PCDH15: variants seen among roughly 807,000 people sequenced by gnomAD.
The protein encoded by PCDH15 is protocadherin-15.
PCDH15 carries 129 observed loss-of-function variants against 178.5 expected under a neutral mutation model. The ratio of observed to expected loss-of-function variants is 0.72; its 90% CI spans 0.63 to 0.84. The LOEUF (loss-of-function observed/expected upper bound fraction) is 0.84. Among genes scored for constraint, PCDH15 ranks in the 40% least tolerant of loss-of-function variants. PCDH15 has a pLI of 0.00. For missense variants in PCDH15, 2,230 were observed against 2,099.9 expected (o/e 1.06, Z -1.21); for synonymous variants, 800 against 732.0 (o/e 1.09, Z -1.50).
At chr10:54,407,667 T>C (rs529545559) in intron 3 of PCDH15, among the ~76,000 whole-genome samples, 38 of 152,280 alleles carry the variant, frequency 2.5e-4, no homozygotes, top group African/African-American at 8.7e-4. Flanking sequence ...GATTCACTTG[T>C]GTCCACAAGG....
At chr10:55,367,928 C>G (rs1330839560) in intron 2 of PCDH15, among the ~76,000 whole-genome samples, 1 of 152,094 alleles carries the variant, frequency 6.6e-6, no homozygotes, top group Non-Finnish European at 1.5e-5. Flanking sequence ...CTTCCAAATA[C>G]AGGATTTCTC....
At chr10:54,611,705 A>G (rs1181880993) in intron 2 of PCDH15, among the ~76,000 whole-genome samples, 1 of 151,814 alleles carries the variant, frequency 6.6e-6, no homozygotes, top group Non-Finnish European at 1.5e-5. Flanking sequence ...TAATCAAGGC[A>G]CCTTAGGGTT....
At chr10:55,471,300 T>A (rs1464480506) in intron 2 of PCDH15, among the ~76,000 whole-genome samples, 1 of 152,250 alleles carries the variant, frequency 6.6e-6, no homozygotes, top group African/African-American at 2.4e-5. Flanking sequence ...TTAGGGCTTA[T>A]TAAATAGCCT....
chr10:55,432,948 C>A (rs1351087348), intron 2 of PCDH15, among the ~76,000 whole-genome samples: 1 of 151,860 alleles, frequency 6.6e-6, no homozygotes, highest in African/African-American at 2.4e-5. Context: ...GGCCTGAACC[C>A]TGGAGGTAGA....
At chr10:54,725,453 G>A (rs1046673315) in intron 1 of PCDH15, among the ~76,000 whole-genome samples, 1 of 146,548 alleles carries the variant, frequency 6.8e-6, no homozygotes, top group Non-Finnish European at 1.5e-5. Flanking sequence ...AAGGTGGAAG[G>A]ATCACTTGAA....
intron 3 of PCDH15, among the ~76,000 whole-genome samples, chr10:54,817,774 T>C (rs1456628494): frequency 1.3e-5 from 2 of 152,074 alleles, no homozygotes; most frequent in African/African-American, 4.8e-5. Flanking sequence ...ATGTCAATGC[T>C]AAATTTACTA....
chr10:55,250,789 C>A (rs2132223376), intron 1 of PCDH15, among the ~76,000 whole-genome samples: 1 of 152,080 alleles, frequency 6.6e-6, no homozygotes, highest in African/African-American at 2.4e-5. Context: ...CCCGCCTCAG[C>A]CTCCCAAAGT....
intron 9 of PCDH15, among the ~76,000 whole-genome samples, chr10:54,220,452 A>G (rs1259323324): frequency 6.6e-6 from 1 of 152,194 alleles, no homozygotes; most frequent in Non-Finnish European, 1.5e-5. Flanking sequence ...ATATAGCCTG[A>G]GTTCAGTGAA....
chr10:54,071,687 A>T (rs1210539939), intron 17 of PCDH15, among the ~76,000 whole-genome samples: 1 of 152,144 alleles, frequency 6.6e-6, no homozygotes, highest in Non-Finnish European at 1.5e-5. Flanking sequence ...GCAGAGACTC[A>T]TGGTATGTAT....
chr10:54,511,411 G>C (rs1218885552), intron 3 of PCDH15, among the ~76,000 whole-genome samples: 1 of 152,054 alleles, frequency 6.6e-6, no homozygotes, highest in Non-Finnish European at 1.5e-5. Flanking sequence ...GCCAGCCTAG[G>C]TGACCTGCAG....
At chr10:54,339,827 G>C (rs1448645879) in intron 6 of PCDH15, among the ~76,000 whole-genome samples, 2 of 152,132 alleles carry the variant, frequency 1.3e-5, no homozygotes, top group Non-Finnish European at 2.9e-5. Flanking sequence ...ACCCTGACTT[G>C]TCTTCAGCAA....
intron 2 of PCDH15, among the ~76,000 whole-genome samples, chr10:54,972,763 C>T (rs985991987): frequency 4.1e-5 from 6 of 146,826 alleles, no homozygotes; most frequent in African/African-American, 1.5e-4. Context: ...GCAGGAGAAT[C>T]ACTTGAACCC....
chr10:54,950,576 C>T (rs1838315297), intron 2 of PCDH15, among the ~76,000 whole-genome samples: 1 of 151,978 alleles, frequency 6.6e-6, no homozygotes, highest in African/African-American at 2.4e-5. Flanking sequence ...GTCCAATAAA[C>T]CTCTTTCTTT....
intron 3 of PCDH15, among the ~76,000 whole-genome samples, chr10:54,429,257 G>A (rs890661345): frequency 2.0e-5 from 3 of 152,060 alleles, no homozygotes; most frequent in African/African-American, 7.2e-5. Flanking sequence ...GTGTAAAATT[G>A]TCATCAGTCT....
chr10:54,876,361 C>T (rs1398219492), intron 3 of PCDH15, among the ~76,000 whole-genome samples: 1 of 152,156 alleles, frequency 6.6e-6, no homozygotes, highest in African/African-American at 2.4e-5. Flanking sequence ...AATATCCATT[C>T]TGCAGCCCAT....
chr10:53,968,118 C>A (rs1294727029), intron 21 of PCDH15, among the ~76,000 whole-genome samples: 1 of 152,178 alleles, frequency 6.6e-6, no homozygotes, highest in Admixed American at 6.5e-5. Flanking sequence ...GAAGCCATGA[C>A]AGATGGTACC....
At chr10:54,190,391 C>A (rs565059862) in intron 11 of PCDH15, among the ~76,000 whole-genome samples, 4 of 152,278 alleles carry the variant, frequency 2.6e-5, no homozygotes, top group South Asian at 2.1e-4. Context: ...TTCTGACACT[C>A]AAAAGCAACA....
At chr10:54,295,669 C>T (rs2059709426) in intron 8 of PCDH15, among the ~76,000 whole-genome samples, 1 of 152,182 alleles carries the variant, frequency 6.6e-6, no homozygotes, top group Admixed American at 6.5e-5. Flanking sequence ...AAGCTCCGCG[C>T]TTCATTCTTG....
chr10:53,903,511 C>G, intron 25 of PCDH15, 141 bp from the exon 26 acceptor site: 2 of 881,292 alleles, frequency 2.3e-6, no homozygotes, highest in Admixed American at 2.1e-5. Context: ...TGCCTAGCAC[C>G]CCCAAATTCA....
Sources: gnomAD v4.1 joint callset for allele counts (sites outside exome capture counted in the v4.1 genomes callset) on GRCh38, gnomAD v4.1.1 for gene constraint, MANE v1.5 for transcripts, NCBI Gene and HGNC (gene_info 2026-07-23, HGNC 2026-07-21) for gene names.